RIMS2: variants seen among roughly 807,000 people sequenced by gnomAD.
The protein encoded by RIMS2 is regulating synaptic membrane exocytosis protein 2.
RIMS2 carries 59 observed loss-of-function variants against 174.4 expected under a neutral mutation model. The observed-to-expected ratio is 0.34, with a 90% confidence interval of 0.27 to 0.42. The LOEUF (loss-of-function observed/expected upper bound fraction) is 0.42, where lower values mean the gene tolerates loss of function less well. Ranked by LOEUF, RIMS2 falls within the 10% of genes least tolerant of loss-of-function variation. The probability of loss-of-function intolerance (pLI) is 1.00; values close to 1 mark genes in which losing one functional copy is unlikely to be tolerated. For missense variants in RIMS2, 1,620 were observed against 1,666.3 expected (o/e 0.97, Z 0.48); for synonymous variants, 606 against 572.5 (o/e 1.06, Z -0.84).
intron 2 of RIMS2, among the ~76,000 whole-genome samples, chr8:103,754,461 TG>T (rs1228161205): frequency 6.6e-6 from 1 of 152,204 alleles, no homozygotes. Flanking sequence ...GGTGCAGAGC[TG>T]AGTTCAATTC....
At chr8:103,556,561 C>G (rs1563768288) in intron 1 of RIMS2, among the ~76,000 whole-genome samples, 1 of 152,218 alleles carries the variant, frequency 6.6e-6, no homozygotes, top group African/African-American at 2.4e-5. Context: ...AGGACTTCAT[C>G]TAAGTCTTTT....
intron 16 of RIMS2, among the ~76,000 whole-genome samples, chr8:103,987,737 C>G (rs1350113537): frequency 6.6e-6 from 1 of 152,062 alleles, no homozygotes. Context: ...CCCAACATAA[C>G]CAAAATATTA....
intron 3 of RIMS2, among the ~76,000 whole-genome samples, chr8:103,805,323 T>A (rs916854409): frequency 1.3e-5 from 2 of 152,202 alleles, no homozygotes; most frequent in Admixed American, 1.3e-4. Context: ...ATCTTAGTGT[T>A]ATTAACATTA....
At chr8:103,951,106 T>C (rs980494707) in intron 14 of RIMS2, among the ~76,000 whole-genome samples, 5 of 152,184 alleles carry the variant, frequency 3.3e-5, no homozygotes, top group Admixed American at 6.5e-5. Context: ...TAATCAAAAC[T>C]AAATACAAAA....
intron 19 of RIMS2, among the ~76,000 whole-genome samples, chr8:104,231,254 A>G (rs2099226639): frequency 6.6e-6 from 1 of 152,060 alleles, no homozygotes; most frequent in Admixed American, 6.6e-5. Context: ...CCCCATCTTC[A>G]TCTTAACACT....
At chr8:103,597,125 C>T (rs2094508147) in intron 1 of RIMS2, among the ~76,000 whole-genome samples, 1 of 152,050 alleles carries the variant, frequency 6.6e-6, no homozygotes, top group Non-Finnish European at 1.5e-5. Context: ...TGCTTATTTT[C>T]TCAGTTGAGC....
chr8:103,618,291 A>G (rs1390287526), intron 1 of RIMS2, among the ~76,000 whole-genome samples: 1 of 152,152 alleles, frequency 6.6e-6, no homozygotes, highest in Non-Finnish European at 1.5e-5. Flanking sequence ...GAACACAAAG[A>G]AGGAAACAAC....
rs886413485 is a variant in RIMS2, at chr8:103,792,728, A to C, written c.698+26191A>C. ...AAAGAGAGAAGAATCAAATAGACGC[A>C]ATAAAAAATGAGAAAGTGGATGTCA... On this transcript the variant is annotated intron_variant, in intron 3 of 23. Transcript: ENST00000504942. 3.9e-4 allele frequency among the ~76,000 whole-genome samples: 59 copies of C among 151,980 alleles called. 1 individual carries two copies. Among genetic ancestry groups the C allele is most frequent in the African/African-American group, 1.3e-3 (55 of 41,378 alleles).
At chr8:104,122,209 TG>T (rs913142034) in intron 19 of RIMS2, among the ~76,000 whole-genome samples, 4 of 152,006 alleles carry the variant, frequency 2.6e-5, no homozygotes, top group African/African-American at 9.7e-5. Flanking sequence ...ATTTTTTTTT[TG>T]TATGTGGAGA....
At chr8:103,510,421 T>A (rs547101618) in intron 1 of RIMS2, among the ~76,000 whole-genome samples, 1 of 152,304 alleles carries the variant, frequency 6.6e-6, no homozygotes, top group East Asian at 1.9e-4. Flanking sequence ...AGCACACTTA[T>A]TTTTCTCACT....
chr8:103,892,590 C>T (rs1056357234), intron 4 of RIMS2, among the ~76,000 whole-genome samples: 5 of 151,978 alleles, frequency 3.3e-5, no homozygotes, highest in Admixed American at 1.3e-4. Flanking sequence ...CTCCACCTAT[C>T]GGTAAAATAA....
At chr8:103,853,514 A>C (rs1455651438) in intron 3 of RIMS2, among the ~76,000 whole-genome samples, 1 of 152,052 alleles carries the variant, frequency 6.6e-6, no homozygotes, top group Non-Finnish European at 1.5e-5. Context: ...TAATAGTTTG[A>C]GGTCTTACAT....
intron 1 of RIMS2, among the ~76,000 whole-genome samples, chr8:103,562,126 C>T (rs1378200448): frequency 1.3e-5 from 2 of 152,138 alleles, no homozygotes; most frequent in South Asian, 2.1e-4. Flanking sequence ...ATCATTTCAC[C>T]CCTGGTCATT....
At chr8:103,820,737 TTC>T (rs2098746910) in intron 3 of RIMS2, among the ~76,000 whole-genome samples, 1 of 151,806 alleles carries the variant, frequency 6.6e-6, no homozygotes, top group Non-Finnish European at 1.5e-5. Flanking sequence ...TCCAGTTCTG[TTC>T]AATAAACTAA....
At chr8:104,125,825 A>T (rs995565093) in intron 19 of RIMS2, among the ~76,000 whole-genome samples, 4 of 152,198 alleles carry the variant, frequency 2.6e-5, no homozygotes, top group African/African-American at 9.7e-5. Context: ...AACTACTCAA[A>T]AACTGCAAGC....
At chr8:104,252,019 A>G (rs2099360633), downstream of RIMS2, 1 of 584,474 alleles carries the variant, frequency 1.7e-6, no homozygotes, top group Non-Finnish European at 3.0e-6. Context: ...GAAAGAGCAG[A>G]GCTGTGAAGA....
intron 19 of RIMS2, among the ~76,000 whole-genome samples, chr8:104,130,116 C>G (rs1486509115): frequency 6.6e-6 from 1 of 152,066 alleles, no homozygotes; most frequent in Admixed American, 6.6e-5. Flanking sequence ...TGCCACGTAT[C>G]AGGTAGTAGG....
chr8:103,903,975 T>G (rs541480624), intron 4 of RIMS2, among the ~76,000 whole-genome samples: 1 of 152,268 alleles, frequency 6.6e-6, no homozygotes, highest in South Asian at 2.1e-4. Flanking sequence ...GAACAATGTT[T>G]TTATAGTTCT....
intron 4 of RIMS2, among the ~76,000 whole-genome samples, chr8:103,904,136 A>C (rs1435699316): frequency 1.3e-5 from 2 of 152,056 alleles, no homozygotes; most frequent in Non-Finnish European, 2.9e-5. Flanking sequence ...CCAACCACTA[A>C]TTTGTACTTT....
Sources: gnomAD v4.1 joint callset for allele counts (sites outside exome capture counted in the v4.1 genomes callset) on GRCh38, gnomAD v4.1.1 for gene constraint, MANE v1.5 for transcripts, NCBI Gene and HGNC (gene_info 2026-07-23, HGNC 2026-07-21) for gene names.